KCNT2: variants seen among roughly 807,000 people sequenced by gnomAD.
KCNT2 encodes potassium channel subfamily T member 2.
A neutral mutation model predicts 153.8 loss-of-function variants in KCNT2; 67 were observed. That is an observed-to-expected ratio of 0.44 (90% CI 0.36 to 0.53). KCNT2 has a LOEUF of 0.53. KCNT2 is among the 20% of genes least tolerant of loss of function. The pLI, the probability that KCNT2 is intolerant of heterozygous loss-of-function variation, is 0.00. For missense variants in KCNT2, 975 were observed against 1,354.8 expected, an observed-to-expected ratio of 0.72 and a Z score of 4.40; for synonymous variants, 500 against 458.8, an observed-to-expected ratio of 1.09 and a Z score of -1.15.
rs1170547055 is a variant in KCNT2 at position 196,239,544 on chromosome 1, A to G, written c.3212-3474T>C. 2.0e-5 allele frequency among the ~76,000 whole-genome samples: 3 copies of G among 152,008 alleles called. No individual in the cohort carries two copies. The East Asian group carries it at 5.8e-4, about 29-fold the overall frequency. On this transcript the variant is annotated intron_variant, in intron 26 of 27. Transcript: ENST00000294725. ...AGAAAAGGGACAGAATCATATTCCT[A>G]TGGTTCTTACAAAATAATTGATTAA...
chr1:196,364,592 G>C (rs1004351818), intron 14 of KCNT2, among the ~76,000 whole-genome samples: 2 of 152,102 alleles, frequency 1.3e-5, no homozygotes, highest in Non-Finnish European at 2.9e-5. Context: ...AAATGCTCAT[G>C]ATAGAAAACT....
chr1:196,485,633 A>G (rs1430638414), intron 3 of KCNT2, among the ~76,000 whole-genome samples: 4 of 151,932 alleles, frequency 2.6e-5, no homozygotes, highest in Non-Finnish European at 5.9e-5. Flanking sequence ...AGGCTTCAGA[A>G]TCCATAAAAA....
At chr1:196,444,518 C>T (rs541270733) in intron 8 of KCNT2, among the ~76,000 whole-genome samples, 22 of 151,142 alleles carry the variant, frequency 1.5e-4, no homozygotes, top group Non-Finnish European at 2.8e-4. Flanking sequence ...AACATCGTGA[C>T]CAGTTAAAAA....
chr1:196,568,595 C>CAA lies in KCNT2; in HGVS notation c.95+39618_95+39619dup, dbSNP rs34667117. Among the ~76,000 whole-genome samples, 688 of 118,780 alleles carry CAA rather than the reference C, an allele frequency of 5.8e-3. 6 individuals carry two copies. Among genetic ancestry groups the CAA allele is most frequent in the African/African-American group, 0.018 (558 of 30,442 alleles). 77.9% of individuals were successfully genotyped at this position (118,780 alleles called of 152,430 possible). On this transcript the variant is annotated intron_variant, in intron 1 of 27. Coordinates refer to ENST00000294725, the MANE Select transcript of KCNT2 (RefSeq NM_198503.5). ...TGGGCGACAGGGCTAGACTCCGTCTCAAAAAAAAAAAAAAAGAAAAGAAAA... is the reference window on the plus strand; with the variant it reads ...TGGGCGACAGGGCTAGACTCCGTCTCAAAAAAAAAAAAAAAAAGAAAAGAAAA...
In KCNT2 at chr1:196,489,829, G is replaced by A. The variant is rs1263808515; in HGVS notation, c.275+9C>T. 1.5e-6 allele frequency: 2 copies of A among 1,364,418 alleles called. No homozygotes were observed. The highest frequency in any genetic ancestry group is 1.3e-5 in the South Asian group (1 of 79,468). The allele number at this position is 1,364,418 out of a possible 1,614,324, so 84.5% of individuals were successfully genotyped here. A position where few individuals can be genotyped will look rare whatever the true frequency, so the allele number is the denominator to read the frequency against. On this transcript the variant is annotated intron_variant, in intron 3 of 27. Transcript: ENST00000294725. ...TAATATTGTTGAAGGTCAGAAAAAG[G>A]TACCTTACCATTCATTTCCTTGTGA... is the stretch of plus-strand genomic sequence containing the variant.
At position 196,236,079 on chromosome 1, in the gene KCNT2, T is replaced by A. The variant is rs556479756; in HGVS notation, c.3212-9A>T. ...ATGATCATTCATTTCATCTAGAAGA[T>A]AAATAAATGCCAAGTTTGTTATACT... On this transcript the variant is annotated splice_polypyrimidine_tract_variant and intron_variant, in intron 26 of 27. Transcript: ENST00000294725. 6.1e-6 allele frequency: 9 copies of A among 1,483,046 alleles called. No individual in the cohort carries two copies. In the African/African-American group the frequency reaches 1.1e-4, roughly 18 times the overall value. The allele number at this position is 1,483,046 out of a possible 1,614,324, so 91.9% of individuals were successfully genotyped here.
intron 26 of KCNT2, among the ~76,000 whole-genome samples, chr1:196,247,249 C>T (rs570773083): frequency 4.2e-4 from 64 of 152,136 alleles, no homozygotes; most frequent in Middle Eastern, 3.4e-3. Flanking sequence ...TGAAAATATA[C>T]ATGCAACCAA....
At chr1:196,427,189 A>T (rs905849199) in intron 10 of KCNT2, among the ~76,000 whole-genome samples, 1 of 152,052 alleles carries the variant, frequency 6.6e-6, no homozygotes, top group Non-Finnish European at 1.5e-5. Flanking sequence ...AATGCAAGTT[A>T]ACATATGAAA....
chr1:196,470,312 C>T (rs898912054), intron 5 of KCNT2, among the ~76,000 whole-genome samples: 6 of 151,762 alleles, frequency 4.0e-5, no homozygotes, highest in Admixed American at 1.3e-4. Context: ...CTGAAGAGAT[C>T]AAAGAAAAAA....
intron 14 of KCNT2, among the ~76,000 whole-genome samples, chr1:196,360,734 A>C (rs1667547654): frequency 1.3e-5 from 2 of 152,046 alleles, no homozygotes; most frequent in Admixed American, 6.6e-5. Flanking sequence ...TCTGCAAGCC[A>C]AGGAGAGAGG....
intron 12 of KCNT2, among the ~76,000 whole-genome samples, chr1:196,411,552 T>C (rs1253038819): frequency 2.0e-5 from 3 of 151,512 alleles, no homozygotes; most frequent in Non-Finnish European, 4.4e-5. Context: ...CAATTTCTTG[T>C]AACAATGTTT....
intron 8 of KCNT2, among the ~76,000 whole-genome samples, chr1:196,436,984 A>C (rs946281434): frequency 4.8e-5 from 6 of 124,916 alleles, no homozygotes; most frequent in Non-Finnish European, 8.3e-5. Flanking sequence ...AATCAAATTT[A>C]ATATTGTTTT....
rs1679714426 is a variant in KCNT2 at position 196,489,715 on chromosome 1, T to G, written c.275+123A>C. The G allele has an allele frequency of 6.8e-6, 4 of 591,084 alleles. No homozygotes were observed. In the East Asian group the frequency reaches 1.3e-4, roughly 19 times the overall value. The allele number at this position is 591,084 out of a possible 1,614,324, so 36.6% of individuals were successfully genotyped here. A position where few individuals can be genotyped will look rare whatever the true frequency, so the allele number is the denominator to read the frequency against. Reference sequence around the variant, plus strand: ...TGCCTGTAAATCGATCAATTTTATTTGTGACAAACACCTAAAATACCCTTA... The same window carrying G: ...TGCCTGTAAATCGATCAATTTTATTGGTGACAAACACCTAAAATACCCTTA... On this transcript the variant is annotated intron_variant, in intron 3 of 27. Transcript: ENST00000294725.
intron 26 of KCNT2, among the ~76,000 whole-genome samples, chr1:196,246,236 T>C (rs1321095757): frequency 6.6e-6 from 1 of 152,140 alleles, no homozygotes; most frequent in Non-Finnish European, 1.5e-5. Context: ...AGAATAGGAA[T>C]AATACTTGTA....
intron 1 of KCNT2, among the ~76,000 whole-genome samples, chr1:196,534,166 A>G (rs950833732): frequency 2.0e-5 from 3 of 152,138 alleles, no homozygotes; most frequent in African/African-American, 7.2e-5. Flanking sequence ...GAAACCACAT[A>G]TTCAAAGACT....
intron 8 of KCNT2, among the ~76,000 whole-genome samples, chr1:196,458,327 G>C (rs1286279874): frequency 1.3e-5 from 2 of 151,626 alleles, no homozygotes; most frequent in African/African-American, 4.8e-5. Flanking sequence ...TTTTATTTTA[G>C]AAAATATTTC....
At chr1:196,511,820 T>A (rs2148799494) in intron 1 of KCNT2, among the ~76,000 whole-genome samples, 1 of 152,292 alleles carries the variant, frequency 6.6e-6, no homozygotes, top group South Asian at 2.1e-4. Context: ...AACAACCTCA[T>A]ATTAACATAA....
At chr1:196,257,692 TA>T (rs1656635955) in intron 26 of KCNT2, 1 of 982,456 alleles carries the variant, frequency 1.0e-6, no homozygotes, top group Non-Finnish European at 1.2e-6. Flanking sequence ...ATTGGCACTA[TA>T]TGAGATAAAG....
chr1:196,454,730 A>G (rs1243592083), intron 8 of KCNT2, among the ~76,000 whole-genome samples: 1 of 151,970 alleles, frequency 6.6e-6, no homozygotes, highest in Admixed American at 6.6e-5. Flanking sequence ...TGCAGGAAAA[A>G]AAAATTACCA....
Sources: allele counts gnomAD v4.1 joint callset (sites outside exome capture counted in the v4.1 genomes callset), GRCh38; gene constraint gnomAD v4.1.1; transcripts MANE v1.5; gene names NCBI Gene and HGNC (gene_info 2026-07-23, HGNC 2026-07-21).